The following MYH8 variants were observed in gnomAD, a reference collection of about 807,000 sequenced individuals.
MYH8 encodes the protein myosin-8.
Under a neutral mutation model 233.2 loss-of-function variants are expected in MYH8, and 168 were observed. That is an observed-to-expected ratio of 0.72 (90% CI 0.64 to 0.82). The LOEUF (loss-of-function observed/expected upper bound fraction) is 0.82, where lower values mean the gene tolerates loss of function less well. Ranked by LOEUF, MYH8 falls within the 40% of genes least tolerant of loss-of-function variation. The pLI is 0.00. For missense variants in MYH8, 1,995 were observed against 2,327.8 expected (o/e 0.86, Z 2.94); for synonymous variants, 785 against 850.6 (o/e 0.92, Z 1.34).
chr17:10,406,362 C>G lies in MYH8; in HGVS notation c.2207G>C (p.Gly736Ala), dbSNP rs2072193302. 6.2e-7 allele frequency: 1 copy of G among 1,613,798 alleles called. No homozygotes were observed. The highest frequency in any genetic ancestry group is 1.3e-5 in the African/African-American group (1 of 74,896). The change falls in exon 20 of 40, where the codon GGA (glycine) becomes GCA (alanine). Residue 736 changes from glycine to alanine, a missense_variant. Coordinates refer to ENST00000403437, the MANE Select transcript of MYH8 (RefSeq NM_002472.3). ...AGCCTTCTTGCTGTCAATGAACTGT[C>G]CCTCTGGAATAGCACTTGCATTTAA... ...KVLNASAIPE[G>A]QFIDSKKASE...
In MYH8 at chr17:10,404,414, C is replaced by T; in HGVS notation, c.2604G>A (p.Lys868=). The T allele has an allele frequency of 1.2e-6, 2 of 1,613,986 alleles. No individual in the cohort carries two copies. The highest frequency in any genetic ancestry group is 1.7e-6 in the Non-Finnish European group (2 of 1,179,960). The change falls in exon 22 of 40, where the codon AAG becomes AAA. Residue 868 remains lysine, a synonymous_variant. Transcript: ENST00000403437. ...CTAGCTCCTTCCGTTTTGCCTCTGA[C>T]TTGGCGAGTTCATCTTTGGTTTTCT... is the stretch of plus-strand genomic sequence containing the variant. ...EFQKTKDELA[K]SEAKRKELEE...
At chr17:10,398,083 C>T (rs946791615) in intron 30 of MYH8, among the ~76,000 whole-genome samples, 7 of 152,066 alleles carry the variant, frequency 4.6e-5, no homozygotes, top group Non-Finnish European at 1.0e-4. Context: ...GTTTGGTGGC[C>T]TCCAACATGA....
intron 5 of MYH8, among the ~76,000 whole-genome samples, chr17:10,416,566 C>T (rs757251294): frequency 6.6e-6 from 1 of 152,176 alleles, no homozygotes; most frequent in Non-Finnish European, 1.5e-5. Context: ...TACATGATCA[C>T]TAACAGTGTA....
intron 34 of MYH8, 122 bp from the exon 35 acceptor site, chr17:10,394,574 T>G: frequency 8.3e-7 from 1 of 1,206,176 alleles, no homozygotes; most frequent in Non-Finnish European, 1.2e-6. Flanking sequence ...GTCATTTGAA[T>G]GCATCTGATT....
chr17:10,418,285 T>G (rs1403076405), intron 5 of MYH8, among the ~76,000 whole-genome samples: 1 of 152,244 alleles, frequency 6.6e-6, no homozygotes, highest in African/African-American at 2.4e-5. Context: ...TGAGCCTGGG[T>G]ATTTTTAAAA....
intron 22 of MYH8, among the ~76,000 whole-genome samples, chr17:10,402,624 TG>T (rs2072153721): frequency 6.7e-6 from 1 of 150,010 alleles, no homozygotes; most frequent in African/African-American, 2.4e-5. Context: ...TATAGGCACA[TG>T]TGCACGCACA....
At position 10,401,258 on chromosome 17, in the gene MYH8, A is replaced by T. The variant is rs768804741; in HGVS notation, c.3108+17T>A. On this transcript the variant is annotated intron_variant, in intron 24 of 39. Coordinates refer to ENST00000403437, the MANE Select transcript of MYH8 (RefSeq NM_002472.3). ...TTTTAAAAAAATCTTTCAAAGGGAT[A>T]TTTAAAATGTGCTTACATCATCCAC... The T allele has an allele frequency of 6.2e-7, 1 of 1,614,056 alleles. No homozygotes were observed. Among genetic ancestry groups the T allele is most frequent in the South Asian group, 1.1e-5 (1 of 91,072 alleles).
intron 21 of MYH8, 65 bp downstream of exon 21, chr17:10,405,976 A>G: frequency 6.3e-7 from 1 of 1,582,970 alleles, no homozygotes; most frequent in Non-Finnish European, 8.7e-7. Flanking sequence ...GAATTAATGA[A>G]TGAACAAGAC....
Position 10,401,693 on chromosome 17 carries a change from T to C in MYH8, c.2781A>G (p.Glu927=), listed in dbSNP as rs754896769. The change falls in exon 23 of 40, where the codon GAA becomes GAG. Residue 927 remains glutamate, a synonymous_variant. Transcript: ENST00000403437. The part of the protein sequence containing the change: ...QLEAKIKEVT[E]RAEEEEEINA... ...TGATCTCTTCCTCCTCCTCAGCTCT[T>C]TCAGTCACCTCTTTGATTTTGGCCT... 1.9e-6 allele frequency: 3 copies of C among 1,614,062 alleles called. No homozygotes were observed. The highest frequency in any genetic ancestry group is 3.3e-5 in the Admixed American group (2 of 60,000).
intron 18 of MYH8, 35 bp downstream of exon 18, chr17:10,406,857 G>C (rs1597401732): frequency 6.2e-7 from 1 of 1,612,744 alleles, no homozygotes; most frequent in Non-Finnish European, 8.5e-7. Flanking sequence ...TTTCAAACCT[G>C]TGCCCGTTTG....
chr17:10,395,427 A>G lies in MYH8; in HGVS notation c.4668T>C (p.His1556=), dbSNP rs748468040. The G allele has an allele frequency of 4.3e-6, 7 of 1,614,084 alleles. No homozygotes were observed. Among genetic ancestry groups the G allele is most frequent in the Non-Finnish European group, 5.9e-6 (7 of 1,180,010 alleles). ...GGATACGCAGAATCTTTCCTTCTTC[A>G]TGTTCAAGAGATGCCTTAACAAAAC... ...ALEEAEASLE[H]EEGKILRIQL... is the part of the protein sequence containing the mutation. Residue 1556 remains histidine, a synonymous_variant, in exon 34 of 40, where the codon CAT becomes CAC. Coordinates refer to ENST00000403437, the MANE Select transcript of MYH8 (RefSeq NM_002472.3).
intron 14 of MYH8, 145 bp from the exon 15 acceptor site, chr17:10,411,092 A>G: frequency 9.7e-6 from 14 of 1,447,770 alleles, no homozygotes; most frequent in Non-Finnish European, 1.3e-5. Flanking sequence ...AAAAATGATC[A>G]TTGGCCGGGC....
intron 5 of MYH8, 108 bp downstream of exon 5, chr17:10,418,537 A>G (rs2072307136): frequency 6.3e-7 from 1 of 1,597,254 alleles, no homozygotes; most frequent in South Asian, 1.1e-5. Context: ...GTGAAGCCCC[A>G]TGTGGCTAGA....
chr17:10,418,966 T>C lies in MYH8; in HGVS notation c.275A>G (p.Asp92Gly), dbSNP rs748236244. 3 of 1,613,750 alleles carry C rather than the reference T, an allele frequency of 1.9e-6. No individual in the cohort carries two copies. The Admixed American group carries it at 5.0e-5, about 27-fold the overall frequency. The stretch of plus-strand genomic sequence containing the variant: ...GTGTAGATGAGTCATCATGGCCATG[T>C]CCTCAATTTTGTCATATTTCGGAGG... ...MNPPKYDKIE[D>G]MAMMTHLHEP... Residue 92 changes from aspartate to glycine, a missense_variant, in exon 4 of 40, where the codon GAC becomes GGC. Asp to Gly is a moderately conservative substitution (Grantham distance 94, BLOSUM62 -1). Around this residue, in one of 3 missense-constraint regions of MYH8, gnomAD observed 479 missense variants for 600.9 expected, o/e 0.80. Coordinates refer to ENST00000403437, the MANE Select transcript of MYH8 (RefSeq NM_002472.3).
At chr17:10,401,898 G>T in intron 22 of MYH8, 113 bp from the exon 23 acceptor site, 1 of 1,396,238 alleles carries the variant, frequency 7.2e-7, no homozygotes, top group Non-Finnish European at 1.0e-6. Context: ...TTTTCAGTAT[G>T]AATATAAATT....
chr17:10,420,240 T>C lies in MYH8; in HGVS notation c.-13A>G. 1 of 1,612,648 alleles carries C rather than the reference T, an allele frequency of 6.2e-7. No homozygotes were observed. The highest frequency in any genetic ancestry group is 8.5e-7 in the Non-Finnish European group (1 of 1,179,958). On this transcript the variant is annotated 5_prime_UTR_variant, in exon 3 of 40. Transcript: ENST00000403437. ...AGCTCGCACTCATGGCTGCGATTTA[T>C]TTAGCAAAGGATTCTGCCTAGGGAG...
chr17:10,390,378 C>T lies in MYH8; in HGVS notation c.*76G>A. 4 of 1,556,006 alleles carry T rather than the reference C, an allele frequency of 2.6e-6. No individual in the cohort carries two copies. The highest frequency in any genetic ancestry group is 3.5e-6 in the Non-Finnish European group (4 of 1,129,494). On this transcript the variant is annotated 3_prime_UTR_variant, in exon 40 of 40. Coordinates refer to ENST00000403437, the MANE Select transcript of MYH8 (RefSeq NM_002472.3). The stretch of plus-strand genomic sequence containing the variant: ...TATTCAGCTTTAACAGGAAAATAAA[C>T]GTCATAAAGCAAGTGACCAAAAATA...
Position 10,391,366 on chromosome 17 carries a change from C to T in MYH8, c.5664+516G>A, listed in dbSNP as rs28459023. 5.9e-3 allele frequency among the ~76,000 whole-genome samples: 898 copies of T among 152,276 alleles called. 8 individuals carry two copies. Among genetic ancestry groups the T allele is most frequent in the African/African-American group, 0.021 (865 of 41,544 alleles). ...CTGTTTAGAACTTGCCCCCCTCAAC[C>T]CTTACAAATTGCTTAATAATAAAAA... On this transcript the variant is annotated intron_variant, in intron 39 of 39. Coordinates refer to ENST00000403437, the MANE Select transcript of MYH8 (RefSeq NM_002472.3).
rs2072278630 is a variant in MYH8, at chr17:10,415,183, G to A, written c.742-4C>T. On this transcript the variant is annotated splice_polypyrimidine_tract_variant and splice_region_variant and intron_variant, in intron 8 of 39. Transcript: ENST00000403437. The surrounding 1 kb of genome is among the most constrained non-coding windows in gnomAD (Gnocchi z 4.1). ...AGTGGATTCTAATGAATTTACCCTT[G>A]AAAAGAATATTTAGTATTAGAAAAC... The A allele has an allele frequency of 6.2e-7, 1 of 1,611,732 alleles. No homozygotes were observed. The highest frequency in any genetic ancestry group is 1.7e-5 in the Admixed American group (1 of 60,006).
Sources: allele counts gnomAD v4.1 joint callset (sites outside exome capture counted in the v4.1 genomes callset), GRCh38; gene constraint gnomAD v4.1.1; regional missense constraint gnomAD v4.1.1; non-coding constraint Gnocchi (gnomAD v3.1); transcripts MANE v1.5; gene names NCBI Gene and HGNC (gene_info 2026-07-23, HGNC 2026-07-21).